Variants in AGAP1 observed in about 807,000 individuals in gnomAD.
The protein encoded by AGAP1 is ArfGAP with GTPase domain, ankyrin repeat and PH domain 1.
Under a neutral mutation model 105.3 loss-of-function variants are expected in AGAP1, and 29 were observed. The observed-to-expected ratio is 0.28, with a 90% CI of 0.21 to 0.38. The LOEUF is 0.38. Among genes scored for constraint, AGAP1 ranks in the 10% least tolerant of loss-of-function variants. The probability of loss-of-function intolerance (pLI) is 1.00; values close to 1 mark genes in which losing one functional copy is unlikely to be tolerated. For missense variants in AGAP1, 998 were observed against 1,165.1 expected (o/e 0.86, Z 2.09); for synonymous variants, 509 against 485.9 (o/e 1.05, Z -0.63).
intron 1 of AGAP1, among the ~76,000 whole-genome samples, chr2:235,589,370 T>A: frequency 6.6e-6 from 1 of 151,898 alleles, no homozygotes; most frequent in East Asian, 1.9e-4. Context: ...CATGCCCGGC[T>A]AACATTTTGT....
intron 5 of AGAP1, among the ~76,000 whole-genome samples, chr2:235,746,538 G>A (rs910486257): frequency 6.6e-6 from 1 of 151,566 alleles, no homozygotes; most frequent in Non-Finnish European, 1.5e-5. Context: ...AGACAAGGCC[G>A]CACCACCCAA....
At chr2:235,847,841 G>A (rs963376438) in intron 9 of AGAP1, among the ~76,000 whole-genome samples, 1 of 152,208 alleles carries the variant, frequency 6.6e-6, no homozygotes, top group Non-Finnish European at 1.5e-5. Flanking sequence ...GAATCCCCAG[G>A]AAGTGCTCCT....
chr2:236,074,535 T>G (rs2058587105), intron 16 of AGAP1, among the ~76,000 whole-genome samples: 1 of 152,212 alleles, frequency 6.6e-6, no homozygotes, highest in Non-Finnish European at 1.5e-5. Context: ...CATTTGCTCT[T>G]ACGAGATAAT....
At position 235,891,583 on chromosome 2, in the gene AGAP1, A is replaced by G. The variant is rs905587190; in HGVS notation, c.1155+8134A>G. On this transcript the variant is annotated intron_variant, in intron 10 of 17. Transcript: ENST00000304032. The surrounding 1 kb of genome is among the most constrained non-coding windows in gnomAD (Gnocchi z 4.2). ...GCTTCACAGTTCAGCGTGGCCACCT[A>G]TTCATCTTCCATGTCGCAAGCACGG... is the stretch of plus-strand genomic sequence containing the variant. 6.6e-6 allele frequency among the ~76,000 whole-genome samples: 1 copy of G among 152,166 alleles called. No individual in the cohort carries two copies. The highest frequency in any genetic ancestry group is 1.5e-5 in the Non-Finnish European group (1 of 68,020).
In AGAP1 at chr2:235,717,632, G is replaced by T. The variant is rs779286450; in HGVS notation, c.298G>T (p.Glu100Ter). ...RYLTGTYVQE[E>*]SPEGGRFKKE... The stretch of plus-strand genomic sequence containing the variant: ...CCTGACGGGCACATATGTCCAGGAG[G>T]AGTCTCCGGAAGGTATGCTGTTTGG... Residue 100 changes from glutamate to a stop codon, truncating the protein, a stop_gained, in exon 3 of 18, where the codon GAG becomes TAG. Transcript: ENST00000304032. LOFTEE classifies it high-confidence loss of function. 10 of 1,602,240 alleles carry T rather than the reference G, an allele frequency of 6.2e-6. No homozygotes were observed. The highest frequency in any genetic ancestry group is 2.3e-5 in the East Asian group (1 of 44,340).
chr2:236,006,304 T>C (rs2056320561), intron 13 of AGAP1, among the ~76,000 whole-genome samples: 1 of 152,182 alleles, frequency 6.6e-6, no homozygotes, highest in Non-Finnish European at 1.5e-5. Context: ...GCCACAATCT[T>C]AGAATCGGCT....
chr2:235,732,620 T>C lies in AGAP1; in HGVS notation c.311-8343T>C, dbSNP rs2149616118. 6.6e-6 allele frequency among the ~76,000 whole-genome samples: 1 copy of C among 152,294 alleles called. No homozygotes were observed. The highest frequency in any genetic ancestry group is 3.4e-3 in the Middle Eastern group (1 of 294). On this transcript the variant is annotated intron_variant, in intron 3 of 17. Transcript: ENST00000304032. The surrounding 1 kb of genome is among the most constrained non-coding windows in gnomAD (Gnocchi z 4.8). ...CCCAAGCCTCTCCCGCCTTCCCATT[T>C]TCCCTGCTGGGGAGCCTTTGCATAA...
In AGAP1 at chr2:236,042,180, G is replaced by A. The variant is rs973814785; in HGVS notation, c.1891+1339G>A. 1.3e-5 allele frequency among the ~76,000 whole-genome samples: 2 copies of A among 152,172 alleles called. No individual in the cohort carries two copies. Among genetic ancestry groups the A allele is most frequent in the African/African-American group, 4.8e-5 (2 of 41,448 alleles). ...ACCATTTTGAACATACTGGAATAGA[G>A]GCAAAGCAGGGAGGAGGCCAGCCAG... On this transcript the variant is annotated intron_variant, in intron 15 of 17. Transcript: ENST00000304032. This position sits in a 1 kb window ranked among gnomAD's most constrained non-coding sequence, Gnocchi z 5.6.
chr2:235,912,699 T>G lies in AGAP1; in HGVS notation c.1324+3793T>G, dbSNP rs141712406. On this transcript the variant is annotated intron_variant, in intron 11 of 17. Transcript: ENST00000304032. ...TTGGTATAACCATTTACAGGGTTCT[T>G]GATACACATTTCCAAATTAACTTCT... Among the ~76,000 whole-genome samples, 56 of 152,360 alleles carry G rather than the reference T, an allele frequency of 3.7e-4. 1 individual carries two copies. Among genetic ancestry groups the G allele is most frequent in the African/African-American group, 1.2e-3 (50 of 41,588 alleles).
At chr2:236,025,438 A>G (rs1390003362) in intron 13 of AGAP1, among the ~76,000 whole-genome samples, 1 of 152,168 alleles carries the variant, frequency 6.6e-6, no homozygotes, top group Non-Finnish European at 1.5e-5. Flanking sequence ...GGTGATTTGA[A>G]TAAGGCTCTA....
At chr2:235,564,918 T>C (rs1347549595) in intron 1 of AGAP1, among the ~76,000 whole-genome samples, 1 of 144,778 alleles carries the variant, frequency 6.9e-6, no homozygotes, top group East Asian at 2.0e-4. Flanking sequence ...GGTATGAGCC[T>C]GAACCACCAC....
chr2:235,672,719 A>G (rs955706309), intron 1 of AGAP1, among the ~76,000 whole-genome samples: 3 of 152,242 alleles, frequency 2.0e-5, no homozygotes, highest in African/African-American at 4.8e-5. Flanking sequence ...GGTTCCAGAC[A>G]AGTTTGTATC....
At position 235,570,975 on chromosome 2, in the gene AGAP1, G is replaced by T. The variant is rs76206242; in HGVS notation, c.163+76126G>T. On this transcript the variant is annotated intron_variant, in intron 1 of 17. Transcript: ENST00000304032. ...CACAGTTCTGCAGGCTGTACAGGAA[G>T]CGTGGCACCATTTGCTCAGCTTCAG... Among the ~76,000 whole-genome samples, 869 of 152,330 alleles carry T rather than the reference G, an allele frequency of 5.7e-3. 10 individuals are homozygous for T. Among genetic ancestry groups the T allele is most frequent in the African/African-American group, 0.02 (828 of 41,570 alleles).
rs2059109518 is a variant in AGAP1, at chr2:236,093,229, A to G, written c.2115-26963A>G. Among the ~76,000 whole-genome samples, 3 of 152,306 alleles carry G rather than the reference A, an allele frequency of 2.0e-5. No individual in the cohort carries two copies. In the South Asian group the frequency reaches 6.2e-4, roughly 32 times the overall value. On this transcript the variant is annotated intron_variant, in intron 16 of 17. Coordinates refer to ENST00000304032, the MANE Select transcript of AGAP1 (RefSeq NM_001037131.3). ...GAGAGGAACAAAATATTCCGCCTCA[A>G]GGTGTCAGCCCAGGGAAACTGAAGC...
intron 8 of AGAP1, among the ~76,000 whole-genome samples, chr2:235,802,652 ATGATGATGGTTGTGGTTGTGG>A (rs1237999221): frequency 1.4e-5 from 2 of 141,090 alleles, no homozygotes; most frequent in Admixed American, 7.0e-5. Flanking sequence ...GGTTGTGGTG[ATGATGATGGTTGTGGTTGTGG>A]TGATGATGGT....
At chr2:235,836,523 A>G (rs1357576726) in intron 9 of AGAP1, among the ~76,000 whole-genome samples, 1 of 152,200 alleles carries the variant, frequency 6.6e-6, no homozygotes, top group African/African-American at 2.4e-5. Context: ...TCACACTGTG[A>G]TATCGAAGTC....
chr2:236,085,675 T>C (rs1458377558), intron 16 of AGAP1, among the ~76,000 whole-genome samples: 1 of 152,222 alleles, frequency 6.6e-6, no homozygotes, highest in African/African-American at 2.4e-5. Context: ...TAAAGAGGAC[T>C]GGGGGCTGGA....
chr2:235,545,170 G>A lies in AGAP1; in HGVS notation c.163+50321G>A, dbSNP rs559740621. Reference sequence around the variant, plus strand: ...ACCTTACAAGTTATTCTAAATAATGGCACTTAGGTTCAAAGGGCTTGTTAA... The same window carrying A: ...ACCTTACAAGTTATTCTAAATAATGACACTTAGGTTCAAAGGGCTTGTTAA... On this transcript the variant is annotated intron_variant, in intron 1 of 17. Transcript: ENST00000304032. Among the ~76,000 whole-genome samples the A allele has an allele frequency of 7.9e-5, 12 of 152,250 alleles. No individual in the cohort carries two copies. In the South Asian group the frequency reaches 2.3e-3, roughly 29 times the overall value.
chr2:235,728,299 C>CTGTGTGTGTGTGTGTGTGTGTGTG lies in AGAP1; in HGVS notation c.310+10656_310+10657insGTGTGTGTGTGTGTGTGTGTGTGT, dbSNP rs1369942234. 1.2e-4 allele frequency among the ~76,000 whole-genome samples: 16 copies of CTGTGTGTGTGTGTGTGTGTGTGTG among 134,844 alleles called. No homozygotes were observed. The highest frequency in any genetic ancestry group is 3.9e-4 in the African/African-American group (13 of 33,608). 88.5% of individuals were successfully genotyped at this position (134,844 alleles called of 152,430 possible). On this transcript the variant is annotated intron_variant, in intron 3 of 17. Transcript: ENST00000304032. The surrounding 1 kb of genome is among the most constrained non-coding windows in gnomAD (Gnocchi z 4.3). ...AGATCTGAAAAGGACTGGGCCCAGA[C>CTGTGTGTGTGTGTGTGTGTGTGTG]TCTGTGTGTGTGTGTGTGTGTGTGT...
Sources: allele counts gnomAD v4.1 joint callset (sites outside exome capture counted in the v4.1 genomes callset), GRCh38; gene constraint gnomAD v4.1.1; non-coding constraint Gnocchi (gnomAD v3.1); transcripts MANE v1.5; gene names NCBI Gene and HGNC (gene_info 2026-07-23, HGNC 2026-07-21).